Variants in EIF3H observed in about 807,000 individuals in gnomAD.
The protein encoded by EIF3H is eukaryotic translation initiation factor 3 subunit H.
In EIF3H, 26 loss-of-function variants were observed where a neutral mutation model predicts 44.2. That is an observed-to-expected ratio of 0.59 (90% CI 0.43 to 0.82). The LOEUF (loss-of-function observed/expected upper bound fraction) is 0.82. Among genes scored for constraint, EIF3H ranks in the 40% least tolerant of loss-of-function variants. EIF3H has a pLI of 0.00. For synonymous variants in EIF3H, 166 were observed against 151.9 expected, an observed-to-expected ratio of 1.09 and a Z score of -0.68; for missense variants, 359 against 432.8, an observed-to-expected ratio of 0.83 and a Z score of 1.51.
chr8:116,743,798 A>ATATATATGTATAT (rs1491232249), intron 1 of EIF3H, among the ~76,000 whole-genome samples: 1 of 79,684 alleles, frequency 1.3e-5, no homozygotes, highest in Admixed American at 1.6e-4. Context: ...ATATATATAT[A>ATATATATGTATAT]AACACACACA....
chr8:116,750,405 T>C (rs1563662023), intron 1 of EIF3H, among the ~76,000 whole-genome samples: 1 of 111,562 alleles, frequency 9.0e-6, no homozygotes, highest in East Asian at 2.3e-4. Flanking sequence ...TAGCATGACT[T>C]TTTTTTTTTT....
chr8:116,661,120 C>T (rs544522990), intron 2 of EIF3H, among the ~76,000 whole-genome samples: 96 of 152,248 alleles, frequency 6.3e-4, no homozygotes, highest in South Asian at 4.8e-3. Context: ...CCTTCTGTTT[C>T]GAAATTCCAT....
At chr8:116,749,401 G>T (rs186026140) in intron 1 of EIF3H, among the ~76,000 whole-genome samples, 4 of 151,964 alleles carry the variant, frequency 2.6e-5, no homozygotes, top group Admixed American at 6.6e-5. Context: ...CTGAGATTCT[G>T]TGATACGTAT....
chr8:116,682,786 TCAA>T (rs1432250487), intron 2 of EIF3H, among the ~76,000 whole-genome samples: 1 of 152,198 alleles, frequency 6.6e-6, no homozygotes, highest in Non-Finnish European at 1.5e-5. Flanking sequence ...TTACTTCTAT[TCAA>T]CAACCTAATC....
At chr8:116,670,985 C>CA (rs1813743670) in intron 2 of EIF3H, among the ~76,000 whole-genome samples, 1 of 152,160 alleles carries the variant, frequency 6.6e-6, no homozygotes, top group African/African-American at 2.4e-5. Context: ...TATTGGACGG[C>CA]AAAAACATTA....
intron 2 of EIF3H, among the ~76,000 whole-genome samples, chr8:116,669,920 C>G (rs1563637776): frequency 6.6e-6 from 1 of 152,136 alleles, no homozygotes; most frequent in Non-Finnish European, 1.5e-5. Flanking sequence ...TCTGCTTCTA[C>G]CAAACACTTT....
chr8:116,671,834 G>A (rs1344975602), intron 2 of EIF3H, among the ~76,000 whole-genome samples: 2 of 152,208 alleles, frequency 1.3e-5, no homozygotes. Context: ...GAGCTTGGAA[G>A]TCAAAGGCCC....
At chr8:116,747,348 G>A (rs1815255075) in intron 1 of EIF3H, among the ~76,000 whole-genome samples, 2 of 152,310 alleles carry the variant, frequency 1.3e-5, no homozygotes, top group African/African-American at 4.8e-5. Flanking sequence ...TTACAGGCGG[G>A]AGCACGGCCC....
intron 2 of EIF3H, among the ~76,000 whole-genome samples, chr8:116,667,780 G>T (rs1813693193): frequency 6.6e-6 from 1 of 152,164 alleles, no homozygotes; most frequent in South Asian, 2.1e-4. Flanking sequence ...TAATGCTATA[G>T]TGACCTCATC....
intron 2 of EIF3H, among the ~76,000 whole-genome samples, chr8:116,712,710 C>T (rs150324072): frequency 2.0e-4 from 30 of 152,072 alleles, no homozygotes; most frequent in African/African-American, 6.8e-4. Context: ...CAGATAAAGT[C>T]CCAAACTATC....
chr8:116,678,167 T>C (rs558964268), intron 2 of EIF3H, among the ~76,000 whole-genome samples: 1 of 147,866 alleles, frequency 6.8e-6, no homozygotes, highest in East Asian at 1.9e-4. Context: ...TTTTCGTTTT[T>C]TTTTTTTGGT....
chr8:116,755,543 A>T, intron 1 of EIF3H, 123 bp downstream of exon 1: 1 of 1,286,398 alleles, frequency 7.8e-7, no homozygotes, highest in Non-Finnish European at 1.1e-6. Context: ...GAAACGTACT[A>T]GGGAAAAACT....
chr8:116,734,212 A>G (rs1284034519), intron 1 of EIF3H: 4 of 452,412 alleles, frequency 8.8e-6, no homozygotes, highest in South Asian at 4.7e-5. Flanking sequence ...TAATGTGATT[A>G]CAGATTGCGG....
intron 6 of EIF3H, among the ~76,000 whole-genome samples, chr8:116,647,197 G>A (rs915104344): frequency 6.6e-6 from 1 of 151,934 alleles, no homozygotes; most frequent in African/African-American, 2.4e-5. Flanking sequence ...CGCCTCCCCA[G>A]TTCAAGCAAT....
chr8:116,658,564 T>G, intron 3 of EIF3H: 4 of 363,420 alleles, frequency 1.1e-5, no homozygotes, highest in Non-Finnish European at 2.0e-5. Flanking sequence ...GGAGGGGAGA[T>G]GGAGGAATAG....
At chr8:116,728,072 G>A (rs1036379035) in intron 1 of EIF3H, among the ~76,000 whole-genome samples, 2 of 152,098 alleles carry the variant, frequency 1.3e-5, no homozygotes, top group African/African-American at 4.8e-5. Context: ...TAGATTTTCA[G>A]TATATATGTT....
At chr8:116,645,490 C>T (rs1249479592) in intron 7 of EIF3H, among the ~76,000 whole-genome samples, 2 of 152,162 alleles carry the variant, frequency 1.3e-5, no homozygotes, top group Admixed American at 6.5e-5. Flanking sequence ...ACCCACTGGA[C>T]CCAGATGTGA....
chr8:116,742,957 C>T (rs892256196), intron 1 of EIF3H, among the ~76,000 whole-genome samples: 3 of 152,202 alleles, frequency 2.0e-5, no homozygotes, highest in Non-Finnish European at 2.9e-5. Context: ...AGTAAGTCCA[C>T]AAGGTGGTTA....
chr8:116,653,599 A>T (rs1813434841), intron 5 of EIF3H, among the ~76,000 whole-genome samples: 2 of 152,196 alleles, frequency 1.3e-5, no homozygotes, highest in Admixed American at 1.3e-4. Context: ...TGAAGTGTTA[A>T]GTCTGCTCTG....
Sources: gnomAD v4.1 joint callset for allele counts (sites outside exome capture counted in the v4.1 genomes callset) on GRCh38, gnomAD v4.1.1 for gene constraint, MANE v1.5 for transcripts, NCBI Gene and HGNC (gene_info 2026-07-23, HGNC 2026-07-21) for gene names.